Variants in SPAG6 observed in about 807,000 individuals in gnomAD.
The protein encoded by SPAG6 is sperm-associated antigen 6.
In SPAG6, 49 loss-of-function variants were observed where a neutral mutation model predicts 58.5. That is an observed-to-expected ratio of 0.84 (90% CI 0.67 to 1.06). SPAG6 has a LOEUF of 1.06. Ranked by LOEUF, SPAG6 falls within the 50% of genes least tolerant of loss-of-function variation. SPAG6 has a pLI of 0.00. For synonymous variants in SPAG6, 233 were observed against 225.6 expected, an observed-to-expected ratio of 1.03 and a Z score of -0.29; for missense variants, 560 against 611.3, an observed-to-expected ratio of 0.92 and a Z score of 0.89.
At chr10:22,393,938 T>C (rs1440888863) in intron 8 of SPAG6, among the ~76,000 whole-genome samples, 1 of 152,184 alleles carries the variant, frequency 6.6e-6, no homozygotes, top group Non-Finnish European at 1.5e-5. Context: ...CATGTTGAAG[T>C]TCATTTTGTC....
At position 22,401,194 on chromosome 10, in the gene SPAG6, T is replaced by C. The variant is rs554260686; in HGVS notation, c.1231T>C (p.Cys411Arg). The change falls in exon 9 of 11, where the codon TGT becomes CGT. Residue 411 changes from cysteine to arginine, a missense_variant. By Grantham distance (180) the Cys-to-Arg change is radical. Coordinates refer to ENST00000376624, the MANE Select transcript of SPAG6 (RefSeq NM_012443.4). ...AGCCATAAAGAATATCCTGCAAAAA[T>C]GTACCTACTTACCAGCCCTTGAACC... is the stretch of plus-strand genomic sequence containing the variant. ...KKAIKNILQK[C>R]TYLPALEPFL... is the part of the protein sequence containing the mutation. 3.7e-6 allele frequency: 6 copies of C among 1,602,384 alleles called. No individual in the cohort carries two copies. The highest frequency in any genetic ancestry group is 4.3e-6 in the Non-Finnish European group (5 of 1,169,666).
At chr10:22,377,833 A>G (rs1833853042) in intron 4 of SPAG6, among the ~76,000 whole-genome samples, 1 of 152,166 alleles carries the variant, frequency 6.6e-6, no homozygotes, top group African/African-American at 2.4e-5. Context: ...TTTGCTGTCT[A>G]GCCTTCTCCA....
At chr10:22,416,546 C>T in intron 10 of SPAG6, 73 bp from the exon 11 acceptor site, 1 of 851,328 alleles carries the variant, frequency 1.2e-6, no homozygotes, top group Non-Finnish European at 2.0e-6. Context: ...CAGATAAATC[C>T]CCTATATTGA....
At chr10:22,399,198 T>G (rs1834358447) in intron 8 of SPAG6, among the ~76,000 whole-genome samples, 1 of 152,218 alleles carries the variant, frequency 6.6e-6, no homozygotes, top group Non-Finnish European at 1.5e-5. Flanking sequence ...TACAATTTAA[T>G]GATTTTTAGT....
intron 2 of SPAG6, among the ~76,000 whole-genome samples, chr10:22,348,265 G>A (rs531231533): frequency 2.6e-5 from 4 of 152,228 alleles, no homozygotes; most frequent in Non-Finnish European, 2.9e-5. Context: ...CTGGGATTGC[G>A]CCCGGCCAGT....
At chr10:22,415,310 TA>T (rs1387079488) in intron 10 of SPAG6, among the ~76,000 whole-genome samples, 2 of 151,542 alleles carry the variant, frequency 1.3e-5, no homozygotes, top group Non-Finnish European at 2.9e-5. Context: ...ATTAAAAGGT[TA>T]AAATTTTAAA....
At chr10:22,405,842 A>T (rs577535917) in intron 9 of SPAG6, among the ~76,000 whole-genome samples, 1 of 152,298 alleles carries the variant, frequency 6.6e-6, no homozygotes, top group Non-Finnish European at 1.5e-5. Flanking sequence ...TCAGAGATTC[A>T]ACTTCTTCCT....
At chr10:22,396,343 T>G (rs1834292622) in intron 8 of SPAG6, among the ~76,000 whole-genome samples, 1 of 152,194 alleles carries the variant, frequency 6.6e-6, no homozygotes, top group African/African-American at 2.4e-5. Flanking sequence ...TATCAGGGGT[T>G]TCCACTTTTG....
At chr10:22,354,230 A>T (rs58884708) in intron 2 of SPAG6, among the ~76,000 whole-genome samples, 8,145 of 152,210 alleles carry the variant, frequency 0.054, 537 homozygotes, top group African/African-American at 0.15. Flanking sequence ...TTGCTATAGC[A>T]GTCATGTTTG....
chr10:22,397,003 T>A (rs1481576427), intron 8 of SPAG6, among the ~76,000 whole-genome samples: 1 of 152,188 alleles, frequency 6.6e-6, no homozygotes, highest in East Asian at 1.9e-4. Context: ...ATTACTTGAT[T>A]TACTGAACTA....
chr10:22,347,742 CT>C (rs1836605848), intron 2 of SPAG6, among the ~76,000 whole-genome samples: 2 of 152,150 alleles, frequency 1.3e-5, no homozygotes, highest in Non-Finnish European at 2.9e-5. Flanking sequence ...AGATTCTACA[CT>C]TATGGTCTGG....
intron 8 of SPAG6, among the ~76,000 whole-genome samples, chr10:22,395,352 A>ATGATGGTTCCACTTT (rs1834270809): frequency 6.6e-6 from 1 of 152,180 alleles, no homozygotes; most frequent in African/African-American, 2.4e-5. Flanking sequence ...CCAGCAAGGT[A>ATGATGGTTCCACTTT]TGATGGTTCC....
At chr10:22,361,574 TA>T (rs1837039620) in intron 2 of SPAG6, among the ~76,000 whole-genome samples, 2 of 152,124 alleles carry the variant, frequency 1.3e-5, no homozygotes, top group African/African-American at 4.8e-5. Flanking sequence ...TGCATGCCTG[TA>T]ATCTCAGCTA....
chr10:22,380,205 A>G (rs1251654888), intron 4 of SPAG6, among the ~76,000 whole-genome samples: 2 of 152,212 alleles, frequency 1.3e-5, no homozygotes, highest in African/African-American at 4.8e-5. Context: ...ATTTCACCCA[A>G]TCATGAAAAA....
At chr10:22,369,740 C>G (rs1430041627) in intron 4 of SPAG6, among the ~76,000 whole-genome samples, 3 of 152,000 alleles carry the variant, frequency 2.0e-5, no homozygotes, top group Admixed American at 2.0e-4. Context: ...GCACTTAGGT[C>G]GGTGCTTTGA....
At chr10:22,412,342 T>C in intron 10 of SPAG6, 1 of 604,804 alleles carries the variant, frequency 1.7e-6, no homozygotes, top group South Asian at 2.1e-5. Flanking sequence ...ATTCTTCCTG[T>C]TTAATATCAA....
intron 9 of SPAG6, among the ~76,000 whole-genome samples, chr10:22,406,881 C>G (rs1433811856): frequency 2.0e-5 from 3 of 151,678 alleles, no homozygotes; most frequent in Non-Finnish European, 4.4e-5. Context: ...GATCCCTTTA[C>G]CATTATGTAA....
intron 2 of SPAG6, among the ~76,000 whole-genome samples, chr10:22,353,618 G>C (rs1266839758): frequency 6.6e-6 from 1 of 152,188 alleles, no homozygotes. Context: ...TCCACAGCTG[G>C]TTTATTCATT....
At chr10:22,409,775 C>G (rs1834682385) in intron 9 of SPAG6, among the ~76,000 whole-genome samples, 1 of 152,144 alleles carries the variant, frequency 6.6e-6, no homozygotes, top group African/African-American at 2.4e-5. Flanking sequence ...CCTTCCTAGT[C>G]TGGTCAGTCT....
Sources: allele counts gnomAD v4.1 joint callset (sites outside exome capture counted in the v4.1 genomes callset), GRCh38; gene constraint gnomAD v4.1.1; transcripts MANE v1.5; gene names NCBI Gene and HGNC (gene_info 2026-07-23, HGNC 2026-07-21).